Variants in NSD3 observed in about 807,000 individuals in gnomAD.
The protein encoded by NSD3 is nuclear receptor binding SET domain protein 3.
In NSD3, 24 loss-of-function variants were observed where a neutral mutation model predicts 160.8. That is an observed-to-expected ratio of 0.15 (90% CI 0.11 to 0.21). The LOEUF (loss-of-function observed/expected upper bound fraction) is 0.21, where lower values mean the gene tolerates loss of function less well. Ranked by LOEUF, NSD3 falls within the 10% of genes least tolerant of loss-of-function variation. The probability of loss-of-function intolerance (pLI) is 1.00; values close to 1 mark genes in which losing one functional copy is unlikely to be tolerated. For synonymous variants in NSD3, 520 were observed against 600.0 expected, an observed-to-expected ratio of 0.87 and a Z score of 1.95; for missense variants, 1,157 against 1,735.9, an observed-to-expected ratio of 0.67 and a Z score of 5.93.
chr8:38,277,939 CTTT>C (rs1212507237), intron 22 of NSD3, among the ~76,000 whole-genome samples: 5 of 136,454 alleles, frequency 3.7e-5, no homozygotes, highest in South Asian at 2.4e-4. Context: ...AAACAGACTT[CTTT>C]TTTTTTTTTT....
At chr8:38,327,583 T>C (rs1025838195) in intron 6 of NSD3, among the ~76,000 whole-genome samples, 1 of 152,214 alleles carries the variant, frequency 6.6e-6, no homozygotes, top group African/African-American at 2.4e-5. Context: ...TGTCTAAGTC[T>C]AGGTGATAAA....
At chr8:38,375,992 GA>G (rs999852906) in intron 1 of NSD3, among the ~76,000 whole-genome samples, 23 of 148,530 alleles carry the variant, frequency 1.5e-4, no homozygotes, top group South Asian at 8.5e-4. Context: ...CTTCTTGATA[GA>G]AAAAAAAAAT....
In NSD3 at chr8:38,318,001, G is replaced by C; in HGVS notation, c.1855+894C>G. The C allele has an allele frequency of 6.2e-7, 1 of 1,614,170 alleles. No homozygotes were observed. Among genetic ancestry groups the C allele is most frequent in the African/African-American group, 1.3e-5 (1 of 75,046 alleles). On this transcript the variant is annotated intron_variant, in intron 9 of 23. Coordinates refer to ENST00000317025, the MANE Select transcript of NSD3 (RefSeq NM_023034.2). This position sits in a 1 kb window ranked among gnomAD's most constrained non-coding sequence, Gnocchi z 5.3. ...TCGCTGCGGAGACGGAGCTGTCACT[G>C]AATCTGACAGAGCCCTGCACTCCCC...
rs935271387 is a variant in NSD3, at chr8:38,355,697, C to A, written c.-44-7482G>T. 2.6e-5 allele frequency among the ~76,000 whole-genome samples: 4 copies of A among 152,150 alleles called. No individual in the cohort carries two copies. The East Asian group carries it at 7.7e-4, about 29-fold the overall frequency. On this transcript the variant is annotated intron_variant, in intron 1 of 23. Transcript: ENST00000317025. ...GTACAGGCCATCAGAAATTCTTAAA[C>A]CTTTGTCCTAAATAAATCCCTGATA...
chr8:38,340,573 G>A (rs1305014408), intron 2 of NSD3, among the ~76,000 whole-genome samples: 3 of 152,066 alleles, frequency 2.0e-5, no homozygotes, highest in Non-Finnish European at 4.4e-5. Flanking sequence ...CTTAACCTCA[G>A]GTGATCCACT....
intron 18 of NSD3, 70 bp downstream of exon 18, chr8:38,289,323 G>C: frequency 7.4e-7 from 1 of 1,355,630 alleles, no homozygotes; most frequent in East Asian, 2.3e-5. Flanking sequence ...AAATAACAAT[G>C]CTTTCATAGT....
intron 7 of NSD3, among the ~76,000 whole-genome samples, chr8:38,322,658 T>A (rs1236260334): frequency 6.6e-6 from 1 of 152,194 alleles, no homozygotes; most frequent in Non-Finnish European, 1.5e-5. Flanking sequence ...ACATATACAT[T>A]TAAAACCATT....
rs1809675359 is a variant in NSD3 at position 38,316,732 on chromosome 8, T to TG, written c.1856-691dup. 1 of 1,057,302 alleles carries TG rather than the reference T, an allele frequency of 9.5e-7. No homozygotes were observed. The highest frequency in any genetic ancestry group is 4.6e-5 in the South Asian group (1 of 21,926). 65.5% of individuals were successfully genotyped at this position (1,057,302 alleles called of 1,614,324 possible). A position where few individuals can be genotyped will look rare whatever the true frequency, so the allele number is the denominator to read the frequency against. ...CAAGTGCAGCCAAATCACGTAGAGCTGGATGGGAAGGCCTCTATGTGGAAT... is the reference window on the plus strand; with the variant it reads ...CAAGTGCAGCCAAATCACGTAGAGCTGGGATGGGAAGGCCTCTATGTGGAAT... On this transcript the variant is annotated intron_variant, in intron 9 of 23. Coordinates refer to ENST00000317025, the MANE Select transcript of NSD3 (RefSeq NM_023034.2). The surrounding 1 kb of genome is among the most constrained non-coding windows in gnomAD (Gnocchi z 4.5).
At position 38,288,466 on chromosome 8, in the gene NSD3, C is replaced by T. The variant is rs1808917378; in HGVS notation, c.3501+21G>A. ...AGCCAGGTTCTGGTCTCTTCCACCC[C>T]CCACCACCATCCCATGCTACCTTCT... is the stretch of plus-strand genomic sequence containing the variant. On this transcript the variant is annotated intron_variant, in intron 19 of 23. Coordinates refer to ENST00000317025, the MANE Select transcript of NSD3 (RefSeq NM_023034.2). The surrounding 1 kb of genome is among the most constrained non-coding windows in gnomAD (Gnocchi z 4.5). The T allele has an allele frequency of 2.5e-6, 4 of 1,611,042 alleles. No homozygotes were observed. The highest frequency in any genetic ancestry group is 3.4e-6 in the Non-Finnish European group (4 of 1,177,878).
At chr8:38,328,413 A>G (rs574016359) in intron 6 of NSD3, among the ~76,000 whole-genome samples, 1 of 152,334 alleles carries the variant, frequency 6.6e-6, no homozygotes, top group African/African-American at 2.4e-5. Context: ...GATGAAAAAT[A>G]TTCATTTGCT....
At chr8:38,343,686 G>A (rs1204735609) in intron 2 of NSD3, among the ~76,000 whole-genome samples, 1 of 152,172 alleles carries the variant, frequency 6.6e-6, no homozygotes, top group African/African-American at 2.4e-5. Context: ...CTGGGCAACA[G>A]AGTGAGATTC....
chr8:38,291,481 T>C (rs1808996515), intron 16 of NSD3, among the ~76,000 whole-genome samples: 1 of 152,180 alleles, frequency 6.6e-6, no homozygotes, highest in South Asian at 2.1e-4. Flanking sequence ...AATAAAACAA[T>C]TTTTAACACA....
chr8:38,373,815 G>C (rs1026278777), intron 1 of NSD3, among the ~76,000 whole-genome samples: 3 of 151,720 alleles, frequency 2.0e-5, no homozygotes, highest in Non-Finnish European at 4.4e-5. Context: ...AATAGCTAGG[G>C]GGACCAGCAC....
chr8:38,314,882 C>CA, intron 11 of NSD3, 109 bp from the exon 12 acceptor site: 7 of 1,243,212 alleles, frequency 5.6e-6, no homozygotes, highest in Non-Finnish European at 7.8e-6. Flanking sequence ...GACTGTGATT[C>CA]AGTAGGTCTG....
chr8:38,380,036 AAAC>A (rs1191560241), intron 1 of NSD3, among the ~76,000 whole-genome samples: 2 of 152,222 alleles, frequency 1.3e-5, no homozygotes, highest in Non-Finnish European at 2.9e-5. Context: ...CGAACAAACA[AAAC>A]AACAACAAAA....
At chr8:38,294,215 G>A (rs1411791451) in intron 16 of NSD3, among the ~76,000 whole-genome samples, 1 of 151,944 alleles carries the variant, frequency 6.6e-6, no homozygotes, top group Admixed American at 6.6e-5. Flanking sequence ...TTAGTTTCCC[G>A]AGTAGCTATG....
rs1808470832 is a variant in NSD3 at position 38,271,360 on chromosome 8, A to G, written c.*4281T>C. ...TGAATTCAATGAGGCAGAGGTCTCA[A>G]TGTTAAAGTGACTATTTCGTACCTG... On this transcript the variant is annotated 3_prime_UTR_variant, in exon 24 of 24. Coordinates refer to ENST00000317025, the MANE Select transcript of NSD3 (RefSeq NM_023034.2). The G allele has an allele frequency of 1.3e-5, 2 of 152,150 alleles. No individual in the cohort carries two copies. Among genetic ancestry groups the G allele is most frequent in the Admixed American group, 1.3e-4 (2 of 15,286 alleles). 9.4% of individuals were successfully genotyped at this position (152,150 alleles called of 1,614,324 possible).
chr8:38,373,739 A>G (rs753010127), intron 1 of NSD3, among the ~76,000 whole-genome samples: 4 of 151,976 alleles, frequency 2.6e-5, no homozygotes, highest in Non-Finnish European at 5.9e-5. Flanking sequence ...GGATCACTTG[A>G]GGCCAAGTGT....
intron 1 of NSD3, among the ~76,000 whole-genome samples, chr8:38,357,337 A>G (rs1810850474): frequency 6.6e-6 from 1 of 152,018 alleles, no homozygotes; most frequent in South Asian, 2.1e-4. Flanking sequence ...GAAAAAGGCC[A>G]AGCACTTAGA....
Sources: gnomAD v4.1 joint callset for allele counts (sites outside exome capture counted in the v4.1 genomes callset) on GRCh38, gnomAD v4.1.1 for gene constraint, Gnocchi (gnomAD v3.1) non-coding constraint, MANE v1.5 for transcripts, NCBI Gene and HGNC (gene_info 2026-07-23, HGNC 2026-07-21) for gene names.